The following ADAMTSL1 variants were observed in gnomAD, a reference collection of about 807,000 sequenced individuals.
ADAMTSL1 encodes ADAMTS like 1, also known as ADAMTS-like protein 1.
Under a neutral mutation model 201.8 loss-of-function variants are expected in ADAMTSL1, and 126 were observed. That is an observed-to-expected ratio of 0.62 (90% CI 0.54 to 0.72). ADAMTSL1 has a LOEUF of 0.72. Ranked by LOEUF, ADAMTSL1 falls within the 30% of genes least tolerant of loss-of-function variation. The probability of loss-of-function intolerance (pLI) is 0.00; values close to 1 mark genes in which losing one functional copy is unlikely to be tolerated. For synonymous variants in ADAMTSL1, 1,121 were observed against 903.4 expected (o/e 1.24, Z -4.32); for missense variants, 2,679 against 2,277.8 (o/e 1.18, Z -3.59).
At chr9:18,507,393 G>C (rs988712662) in intron 2 of ADAMTSL1, among the ~76,000 whole-genome samples, 13 of 152,134 alleles carry the variant, frequency 8.5e-5, no homozygotes, top group African/African-American at 3.1e-4. Context: ...CATCTCCAAG[G>C]ACAATTTAAA....
chr9:18,004,112 T>C (rs1417022218), intron 1 of ADAMTSL1, among the ~76,000 whole-genome samples: 2 of 152,024 alleles, frequency 1.3e-5, no homozygotes. Flanking sequence ...TATTAATGTT[T>C]TAAAGGAAAG....
intron 2 of ADAMTSL1, among the ~76,000 whole-genome samples, chr9:18,337,124 A>T (rs1835273258): frequency 1.3e-5 from 2 of 152,124 alleles, no homozygotes; most frequent in Admixed American, 1.3e-4. Context: ...ACCCACCCTC[A>T]ATCTGGGTGG....
chr9:18,790,338 C>T (rs1250975432), intron 19 of ADAMTSL1, among the ~76,000 whole-genome samples: 1 of 152,144 alleles, frequency 6.6e-6, no homozygotes, highest in Non-Finnish European at 1.5e-5. Context: ...AAGTCTTCCC[C>T]TCCACAAGGC....
Position 18,284,836 on chromosome 9 carries a change from T to A in ADAMTSL1, c.207+120855T>A, listed in dbSNP as rs530347264. Among the ~76,000 whole-genome samples the A allele has an allele frequency of 2.0e-5, 3 of 152,360 alleles. No individual in the cohort carries two copies. In the South Asian group the frequency reaches 6.2e-4, roughly 32 times the overall value. On this transcript the variant is annotated intron_variant, in intron 2 of 29. Coordinates refer to the ADAMTSL1 transcript ENST00000680146. ...TATTATCTGATTTTTCTCAGCTATC[T>A]GTTATTAATATTTTATATGAATAAA...
At chr9:17,978,711 A>G (rs1818556732) in intron 1 of ADAMTSL1, among the ~76,000 whole-genome samples, 1 of 152,148 alleles carries the variant, frequency 6.6e-6, no homozygotes, top group African/African-American at 2.4e-5. Flanking sequence ...GACTTACATT[A>G]TTACCATTAC....
chr9:18,773,177 T>C (rs1427249320), intron 17 of ADAMTSL1, among the ~76,000 whole-genome samples: 1 of 152,186 alleles, frequency 6.6e-6, no homozygotes, highest in East Asian at 1.9e-4. Flanking sequence ...TCCTCCACTA[T>C]CTGGGCTCAA....
intron 23 of ADAMTSL1, among the ~76,000 whole-genome samples, chr9:18,853,722 G>A (rs1323905246): frequency 6.6e-6 from 1 of 152,144 alleles, no homozygotes; most frequent in East Asian, 1.9e-4. Flanking sequence ...GAGGCAAAAG[G>A]CAAGATACGG....
intron 23 of ADAMTSL1, among the ~76,000 whole-genome samples, chr9:18,839,451 G>C (rs150881861): frequency 3.9e-5 from 6 of 152,120 alleles, no homozygotes; most frequent in Admixed American, 3.3e-4. Flanking sequence ...CATGTGGCTT[G>C]GTTCCATGTC....
At chr9:18,050,136 T>TA (rs1821867472) in intron 1 of ADAMTSL1, among the ~76,000 whole-genome samples, 1 of 152,208 alleles carries the variant, frequency 6.6e-6, no homozygotes, top group South Asian at 2.1e-4. Context: ...GAATAAAAAT[T>TA]AAATTTTATG....
chr9:18,645,379 G>C (rs545141868), intron 7 of ADAMTSL1, among the ~76,000 whole-genome samples: 3 of 152,088 alleles, frequency 2.0e-5, no homozygotes, highest in Non-Finnish European at 2.9e-5. Flanking sequence ...CTGTGCAGAA[G>C]CTCTTTAGTT....
chr9:18,309,364 G>C (rs757629386), intron 2 of ADAMTSL1, among the ~76,000 whole-genome samples: 1 of 152,138 alleles, frequency 6.6e-6, no homozygotes, highest in African/African-American at 2.4e-5. Context: ...AAGAAAGAAA[G>C]TGTATTCAGA....
chr9:17,974,470 A>C (rs1338649601), intron 1 of ADAMTSL1, among the ~76,000 whole-genome samples: 1 of 151,962 alleles, frequency 6.6e-6, no homozygotes, highest in African/African-American at 2.4e-5. Context: ...TCTGAAACTT[A>C]TTCATCCTAC....
intron 7 of ADAMTSL1, among the ~76,000 whole-genome samples, 193 bp downstream of exon 7, chr9:18,639,604 C>T (rs1468106264): frequency 6.6e-6 from 1 of 151,980 alleles, no homozygotes; most frequent in African/African-American, 2.4e-5. Context: ...ATTTCAAGGT[C>T]ATAGAAAATC....
chr9:18,760,225 A>G (rs992571372), intron 16 of ADAMTSL1, among the ~76,000 whole-genome samples: 2 of 152,040 alleles, frequency 1.3e-5, no homozygotes, highest in African/African-American at 4.8e-5. Context: ...GTCAACATCT[A>G]TACCCTATTT....
At chr9:18,499,841 T>G (rs1822740044) in intron 1 of ADAMTSL1, among the ~76,000 whole-genome samples, 1 of 152,238 alleles carries the variant, frequency 6.6e-6, no homozygotes, top group Non-Finnish European at 1.5e-5. Flanking sequence ...GTTATATGAC[T>G]TCAATTTTAC....
At chr9:18,516,719 G>A (rs931148628) in intron 2 of ADAMTSL1, among the ~76,000 whole-genome samples, 1 of 152,144 alleles carries the variant, frequency 6.6e-6, no homozygotes, top group Non-Finnish European at 1.5e-5. Context: ...GCAGTGCCTG[G>A]AACAGAACAA....
intron 2 of ADAMTSL1, among the ~76,000 whole-genome samples, chr9:18,509,407 G>C (rs1286481590): frequency 6.6e-6 from 1 of 152,048 alleles, no homozygotes; most frequent in African/African-American, 2.4e-5. Context: ...AATTGGTGTA[G>C]CAATTATTCA....
At chr9:18,151,324 A>G (rs1374664912) in intron 1 of ADAMTSL1, among the ~76,000 whole-genome samples, 3 of 151,990 alleles carry the variant, frequency 2.0e-5, no homozygotes, top group African/African-American at 7.2e-5. Flanking sequence ...ATTATAGAGG[A>G]TGTGGGAAGT....
chr9:18,304,219 A>G (rs923693610), intron 2 of ADAMTSL1, among the ~76,000 whole-genome samples: 5 of 152,066 alleles, frequency 3.3e-5, no homozygotes, highest in African/African-American at 1.2e-4. Flanking sequence ...TTTGGAAAGC[A>G]ACATGAACCT....
Sources: allele counts gnomAD v4.1 joint callset (sites outside exome capture counted in the v4.1 genomes callset), GRCh38; gene constraint gnomAD v4.1.1; transcripts MANE v1.5; gene names NCBI Gene and HGNC (gene_info 2026-07-23, HGNC 2026-07-21).